Variants in HOOK1 observed in about 807,000 individuals in gnomAD.
HOOK1 encodes protein Hook homolog 1.
In HOOK1, 60 loss-of-function variants were observed where a neutral mutation model predicts 112.8. That is an observed-to-expected ratio of 0.53 (90% CI 0.43 to 0.66). The LOEUF (loss-of-function observed/expected upper bound fraction) is 0.66, where lower values mean the gene tolerates loss of function less well. Among genes scored for constraint, HOOK1 ranks in the 30% least tolerant of loss-of-function variants. HOOK1 has a pLI of 0.00. For missense variants in HOOK1, 770 were observed against 856.0 expected, an observed-to-expected ratio of 0.90 and a Z score of 1.25; for synonymous variants, 294 against 283.8, an observed-to-expected ratio of 1.04 and a Z score of -0.36.
chr1:59,848,444 T>C lies in HOOK1; in HGVS notation c.1059T>C (p.Asn353=). The C allele has an allele frequency of 6.2e-7, 1 of 1,610,742 alleles. No individual in the cohort carries two copies. The highest frequency in any genetic ancestry group is 1.1e-5 in the South Asian group (1 of 90,934). The change falls in exon 11 of 22, where the codon AAT becomes AAC. Residue 353 remains asparagine (N), a synonymous_variant. Transcript: ENST00000371208. ...LQETNMMYMH[N]TVSLEEELKK... is the part of the protein sequence containing the mutation. ...AAACCAACATGATGTATATGCATAA[T>C]ACAGTCAGCTTAGAAGAAGAATTAA...
At chr1:59,854,021 T>C (rs868314929) in intron 12 of HOOK1, among the ~76,000 whole-genome samples, 3 of 25,554 alleles carry the variant, frequency 1.2e-4, no homozygotes, top group South Asian at 2.3e-3. Flanking sequence ...TATATATATA[T>C]ATATATATAT....
intron 13 of HOOK1, among the ~76,000 whole-genome samples, 153 bp from the exon 14 acceptor site, chr1:59,858,827 AGGGAG>A (rs1205685851): frequency 2.8e-5 from 2 of 72,240 alleles, no homozygotes; most frequent in South Asian, 5.6e-4. Context: ...GGAGAGGAGG[AGGGAG>A]GGGAGGGGAG....
intron 1 of HOOK1, among the ~76,000 whole-genome samples, chr1:59,817,353 C>G (rs1236505819): frequency 6.6e-6 from 1 of 152,180 alleles, no homozygotes; most frequent in Non-Finnish European, 1.5e-5. Context: ...TTTGCTAAAT[C>G]CACTAAGTGT....
At chr1:59,844,472 A>G (rs1398396404) in intron 9 of HOOK1, among the ~76,000 whole-genome samples, 1 of 151,896 alleles carries the variant, frequency 6.6e-6, no homozygotes, top group Non-Finnish European at 1.5e-5. Context: ...TGCCTGTATG[A>G]CACTATATTA....
chr1:59,834,263 C>A (rs2098396050), intron 5 of HOOK1, among the ~76,000 whole-genome samples: 1 of 152,024 alleles, frequency 6.6e-6, no homozygotes, highest in South Asian at 2.1e-4. Flanking sequence ...TTGCAAAATG[C>A]AAATACTTCA....
At chr1:59,823,069 C>T (rs1044282107) in intron 2 of HOOK1, among the ~76,000 whole-genome samples, 6 of 152,142 alleles carry the variant, frequency 3.9e-5, no homozygotes, top group Non-Finnish European at 7.4e-5. Flanking sequence ...GCCTGTAATC[C>T]CAGCACTTCG....
chr1:59,873,950 A>G lies in HOOK1; in HGVS notation c.*985A>G, dbSNP rs1005528469. ...TCAGTTTGATTTTGTTTACTTATTA[A>G]GGAGTTTATCTTGGGCTCAGTTTGT... On this transcript the variant is annotated 3_prime_UTR_variant, in exon 22 of 22. Transcript: ENST00000371208. The G allele has an allele frequency of 1.3e-5, 2 of 151,772 alleles. No individual in the cohort carries two copies. The highest frequency in any genetic ancestry group is 2.4e-5 in the African/African-American group (1 of 41,350). The allele number at this position is 151,772 out of a possible 1,614,324, so 9.4% of individuals were successfully genotyped here. A position where few individuals can be genotyped will look rare whatever the true frequency, so the allele number is the denominator to read the frequency against.
chr1:59,854,015 TA>T lies in HOOK1; in HGVS notation c.1243-4412del, dbSNP rs2098408743. Among the ~76,000 whole-genome samples, 4 of 21,046 alleles carry T rather than the reference TA, an allele frequency of 1.9e-4. 1 individual carries two copies. Among genetic ancestry groups the T allele is most frequent in the Non-Finnish European group, 4.9e-4 (4 of 8,144 alleles). The allele number at this position is 21,046 out of a possible 152,430, so 13.8% of individuals were successfully genotyped here. A position where few individuals can be genotyped will look rare whatever the true frequency, so the allele number is the denominator to read the frequency against. ...CATTAATCTTAAATATATATATATA[TA>T]TATATATATATATATATATATATTT... On this transcript the variant is annotated intron_variant, in intron 12 of 21. Transcript: ENST00000371208.
intron 8 of HOOK1, among the ~76,000 whole-genome samples, chr1:59,840,807 C>T (rs1045335581): frequency 3.9e-5 from 6 of 152,028 alleles, no homozygotes; most frequent in African/African-American, 1.4e-4. Context: ...TGTATGTAGT[C>T]TCTTATGGCA....
rs2098384498 is a variant in HOOK1, at chr1:59,820,117, C to T, written c.64-1741C>T. ...TTTCATCACCCAGAGCAGTGGTTCTCCAAAATTGACATATTTAAGAATCAG... is the reference window on the plus strand; with the variant it reads ...TTTCATCACCCAGAGCAGTGGTTCTTCAAAATTGACATATTTAAGAATCAG... On this transcript the variant is annotated intron_variant, in intron 1 of 21. Transcript: ENST00000371208. Among the ~76,000 whole-genome samples the T allele has an allele frequency of 2.0e-5, 3 of 152,254 alleles. No homozygotes were observed. The South Asian group carries it at 6.2e-4, about 32-fold the overall frequency.
intron 12 of HOOK1, 148 bp from the exon 13 acceptor site, chr1:59,858,280 T>G (rs2098411735): frequency 1.6e-6 from 1 of 626,232 alleles, no homozygotes; most frequent in African/African-American, 1.8e-5. Flanking sequence ...TTTATGTAAC[T>G]GAATAGAAAA....
chr1:59,830,900 GTT>G (rs748434935), intron 3 of HOOK1, among the ~76,000 whole-genome samples: 1 of 137,836 alleles, frequency 7.3e-6, no homozygotes, highest in Non-Finnish European at 1.6e-5. Context: ...TTTTTTTTAA[GTT>G]TTTTTTTTTT....
At position 59,873,725 on chromosome 1, in the gene HOOK1, C is replaced by CTATATATATATATATA. The variant is rs58867974; in HGVS notation, c.*785_*800dup. The CTATATATATATATATA allele has an allele frequency of 1.1e-4, 6 of 56,220 alleles. No homozygotes were observed. The highest frequency in any genetic ancestry group is 1.3e-4 in the African/African-American group (2 of 14,820). The allele number at this position is 56,220 out of a possible 1,614,324, so 3.5% of individuals were successfully genotyped here. A position where few individuals can be genotyped will look rare whatever the true frequency, so the allele number is the denominator to read the frequency against. Reference sequence around the variant, plus strand: ...AGGTGACTTTCTGATGGAAAGCAAGCTATATATATATATATATATATATAT... The same window carrying CTATATATATATATATA: ...AGGTGACTTTCTGATGGAAAGCAAGCTATATATATATATATATATATATATATATATATATATATAT... On this transcript the variant is annotated 3_prime_UTR_variant, in exon 22 of 22. Coordinates refer to ENST00000371208, the MANE Select transcript of HOOK1 (RefSeq NM_015888.6).
rs752514152 is a variant in HOOK1 at position 59,847,142 on chromosome 1, G to C, written c.886G>C (p.Ala296Pro). 6.2e-7 allele frequency: 1 copy of C among 1,606,658 alleles called. No homozygotes were observed. Among genetic ancestry groups the C allele is most frequent in the East Asian group, 2.2e-5 (1 of 44,618 alleles). ...TAGGAATGATGAATTGACTAGTCTT[G>C]CAGAAGAAACAAGAGCCCTGAAAGA... is the stretch of plus-strand genomic sequence containing the variant. The part of the protein sequence containing the change: ...QHRNDELTSL[A>P]EETRALKDEI... The change falls in exon 10 of 22, where the codon GCA (alanine) becomes CCA (proline). Residue 296 changes from alanine to proline, a missense_variant. Physicochemically the swap from Ala to Pro is conservative, Grantham distance 27. This residue lies in a region of HOOK1 where 655 missense variants were observed against 725.9 expected (regional missense o/e 0.90). Transcript: ENST00000371208.
At chr1:59,864,515 A>C in intron 16 of HOOK1, 117 bp from the exon 17 acceptor site, 1 of 640,662 alleles carries the variant, frequency 1.6e-6, no homozygotes, top group East Asian at 3.0e-5. Context: ...CAAATTTTAA[A>C]AATATTTATA....
intron 16 of HOOK1, among the ~76,000 whole-genome samples, chr1:59,864,132 A>T (rs1407038674): frequency 6.6e-6 from 1 of 151,980 alleles, no homozygotes; most frequent in African/African-American, 2.4e-5. Flanking sequence ...TTTGCTTTTT[A>T]ACAATATTCA....
At chr1:59,870,604 A>C (rs1249377347) in intron 20 of HOOK1, among the ~76,000 whole-genome samples, 4 of 152,212 alleles carry the variant, frequency 2.6e-5, no homozygotes, top group Admixed American at 2.6e-4. Context: ...CAATTAAGAG[A>C]GAAAAATTTG....
At chr1:59,820,741 T>G (rs535842968) in intron 1 of HOOK1, among the ~76,000 whole-genome samples, 2 of 152,208 alleles carry the variant, frequency 1.3e-5, no homozygotes, top group Non-Finnish European at 2.9e-5. Context: ...CTAGAAATGA[T>G]TTATGTCTCT....
chr1:59,872,456 C>CTAT (rs887408247), intron 21 of HOOK1, among the ~76,000 whole-genome samples: 121 of 152,304 alleles, frequency 7.9e-4, no homozygotes, highest in African/African-American at 2.7e-3. Flanking sequence ...AACCTTTGAT[C>CTAT]TAAGCCATTC....
Sources: gnomAD v4.1 joint callset for allele counts (sites outside exome capture counted in the v4.1 genomes callset) on GRCh38, gnomAD v4.1.1 for gene constraint, gnomAD v4.1.1 regional missense constraint, MANE v1.5 for transcripts, NCBI Gene and HGNC (gene_info 2026-07-23, HGNC 2026-07-21) for gene names.